Variants in OTUD7A observed in about 807,000 individuals in gnomAD.
OTUD7A encodes OTU domain-containing protein 7A.
OTUD7A carries 12 observed loss-of-function variants against 65.7 expected under a neutral mutation model. That is an observed-to-expected ratio of 0.18 (90% CI 0.12 to 0.30). The LOEUF is 0.30. Among genes scored for constraint, OTUD7A ranks in the 10% least tolerant of loss-of-function variants. The pLI, the probability that OTUD7A is intolerant of heterozygous loss-of-function variation, is 1.00. For synonymous variants in OTUD7A, 641 were observed against 586.3 expected, an observed-to-expected ratio of 1.09 and a Z score of -1.35; for missense variants, 1,148 against 1,304.8, an observed-to-expected ratio of 0.88 and a Z score of 1.85.
chr15:31,810,983 T>C (rs143569842), intron 1 of OTUD7A, among the ~76,000 whole-genome samples: 189 of 152,228 alleles, frequency 1.2e-3, no homozygotes, highest in African/African-American at 4.3e-3. Flanking sequence ...CAGCCTGTAT[T>C]GTGTGCCTGT....
At chr15:31,696,157 G>A (rs1326111885) in intron 1 of OTUD7A, among the ~76,000 whole-genome samples, 4 of 146,080 alleles carry the variant, frequency 2.7e-5, no homozygotes, top group Non-Finnish European at 6.1e-5. Flanking sequence ...GGGGGCACAA[G>A]GGGCTGGGGG....
rs1481454405 is a variant in OTUD7A, at chr15:31,526,366, ATTC to A, written c.873_875del (p.Lys291del). On this transcript the variant is annotated inframe_deletion, in exon 8 of 13. Coordinates refer to ENST00000307050, the MANE Select transcript of OTUD7A (RefSeq NM_001382637.1). ...GCACTTACCCCCCGCCCGTGCCGCCATTCTTGCTGAAGTGTGTGCGCGGCTCGC... is the reference window on the plus strand; with the variant it reads ...GCACTTACCCCCCGCCCGTGCCGCCATTGCTGAAGTGTGTGCGCGGCTCGC... 6.3e-7 allele frequency: 1 copy of A among 1,598,906 alleles called. No individual in the cohort carries two copies. Among genetic ancestry groups the A allele is most frequent in the African/African-American group, 1.3e-5 (1 of 74,768 alleles).
At chr15:31,621,738 T>G (rs1890791549) in intron 3 of OTUD7A, among the ~76,000 whole-genome samples, 1 of 151,322 alleles carries the variant, frequency 6.6e-6, no homozygotes, top group Non-Finnish European at 1.5e-5. Flanking sequence ...GTCCGTGTCT[T>G]TTAATTGGAG....
intron 1 of OTUD7A, among the ~76,000 whole-genome samples, chr15:31,785,235 A>G (rs949996444): frequency 1.6e-4 from 25 of 152,190 alleles, no homozygotes; most frequent in African/African-American, 6.0e-4. Context: ...CTGTAACTAC[A>G]CACTGACGCA....
chr15:31,570,936 C>T (rs546541441), intron 3 of OTUD7A, among the ~76,000 whole-genome samples: 4 of 152,334 alleles, frequency 2.6e-5, no homozygotes, highest in African/African-American at 9.6e-5. Context: ...TCACACACTA[C>T]ACCCGATTCA....
At chr15:31,548,145 G>A (rs1888194541) in intron 5 of OTUD7A, among the ~76,000 whole-genome samples, 1 of 152,176 alleles carries the variant, frequency 6.6e-6, no homozygotes, top group African/African-American at 2.4e-5. Flanking sequence ...TCTGTGTGAG[G>A]AGTGTTAAAT....
chr15:31,776,672 C>G (rs1895389590), intron 1 of OTUD7A, among the ~76,000 whole-genome samples: 2 of 152,172 alleles, frequency 1.3e-5, no homozygotes, highest in Non-Finnish European at 2.9e-5. Context: ...GAAAACAATG[C>G]ATGCCTGTGT....
chr15:31,746,802 A>C (rs1413613770), intron 1 of OTUD7A, among the ~76,000 whole-genome samples: 2 of 152,170 alleles, frequency 1.3e-5, no homozygotes, highest in Non-Finnish European at 2.9e-5. Flanking sequence ...GGCCTACCTG[A>C]AGTTTTAAAA....
intron 1 of OTUD7A, among the ~76,000 whole-genome samples, chr15:31,831,805 G>A (rs1478372567): frequency 2.0e-5 from 3 of 152,262 alleles, no homozygotes; most frequent in Non-Finnish European, 4.4e-5. Flanking sequence ...AGACAGTGAC[G>A]AAAAGGAGCA....
intron 4 of OTUD7A, among the ~76,000 whole-genome samples, chr15:31,559,952 G>T (rs552273808): frequency 3.3e-5 from 5 of 152,350 alleles, no homozygotes; most frequent in African/African-American, 9.6e-5. Flanking sequence ...CACCTGGTAT[G>T]TGGCACTTAT....
chr15:31,740,507 G>A (rs537731656), intron 1 of OTUD7A, among the ~76,000 whole-genome samples: 11 of 152,250 alleles, frequency 7.2e-5, no homozygotes, highest in Admixed American at 1.3e-4. Context: ...CTTCCCAGAG[G>A]AAGGAGGAGA....
chr15:31,681,150 C>T (rs1221381529), intron 1 of OTUD7A, among the ~76,000 whole-genome samples: 1 of 151,234 alleles, frequency 6.6e-6, no homozygotes, highest in Non-Finnish European at 1.5e-5. Context: ...ATGTATCTAT[C>T]TTTCTTATTA....
intron 3 of OTUD7A, among the ~76,000 whole-genome samples, chr15:31,593,076 A>C (rs1269395695): frequency 6.6e-6 from 1 of 151,406 alleles, no homozygotes; most frequent in Non-Finnish European, 1.5e-5. Context: ...TGTACTGTAC[A>C]TAGTTGTATG....
chr15:31,728,208 T>C (rs149992339), intron 1 of OTUD7A, among the ~76,000 whole-genome samples: 258 of 152,338 alleles, frequency 1.7e-3, no homozygotes, highest in Non-Finnish European at 2.5e-3. Flanking sequence ...ATCAAACCAG[T>C]ATCCCGGGAG....
At chr15:31,516,833 A>G (rs557139358) in intron 8 of OTUD7A, among the ~76,000 whole-genome samples, 2 of 152,268 alleles carry the variant, frequency 1.3e-5, no homozygotes, top group South Asian at 2.1e-4. Flanking sequence ...TGACCCTGGG[A>G]TGGAGCACTG....
chr15:31,828,530 T>C (rs1388200310), intron 1 of OTUD7A, among the ~76,000 whole-genome samples: 5 of 152,336 alleles, frequency 3.3e-5, no homozygotes, highest in African/African-American at 4.8e-5. Context: ...CAAGTAATTA[T>C]ACAAACTCTT....
At chr15:31,790,955 A>AT (rs1309328222) in intron 1 of OTUD7A, among the ~76,000 whole-genome samples, 1 of 152,202 alleles carries the variant, frequency 6.6e-6, no homozygotes, top group African/African-American at 2.4e-5. Flanking sequence ...TTCATGGTAG[A>AT]AATAGTGGAC....
chr15:31,521,202 C>T (rs1176161312), intron 8 of OTUD7A, among the ~76,000 whole-genome samples: 1 of 152,088 alleles, frequency 6.6e-6, no homozygotes, highest in East Asian at 1.9e-4. Flanking sequence ...ACGCTAAAAT[C>T]CCAGACTTTA....
intron 1 of OTUD7A, among the ~76,000 whole-genome samples, chr15:31,855,510 C>CG (rs748534937): frequency 2.0e-5 from 3 of 150,796 alleles, no homozygotes; most frequent in Admixed American, 2.0e-4. Context: ...AAAAACAAAT[C>CG]GAAAAAAAAA....
Sources: gnomAD v4.1 joint callset for allele counts (sites outside exome capture counted in the v4.1 genomes callset) on GRCh38, gnomAD v4.1.1 for gene constraint, MANE v1.5 for transcripts, NCBI Gene and HGNC (gene_info 2026-07-23, HGNC 2026-07-21) for gene names.